The following CRLF1 variants were observed in gnomAD, a reference collection of about 807,000 sequenced individuals.
CRLF1 encodes cytokine receptor-like factor 1.
In CRLF1, 36 loss-of-function variants were observed where a neutral mutation model predicts 48.9. The observed-to-expected ratio is 0.74, with a 90% CI of 0.56 to 0.97. The LOEUF is 0.97. Among genes scored for constraint, CRLF1 ranks in the 50% least tolerant of loss-of-function variants. CRLF1 has a pLI of 0.00. For missense variants in CRLF1, 534 were observed against 575.1 expected (o/e 0.93, Z 0.73); for synonymous variants, 256 against 253.4 (o/e 1.01, Z -0.10).
chr19:18,598,852 C>T lies in CRLF1; in HGVS notation c.447G>A (p.Lys149=), dbSNP rs114059820. The T allele has an allele frequency of 1.1e-3, 1,842 of 1,614,062 alleles. 21 individuals are homozygous for T. The African/African-American group carries it at 0.021, about 19-fold the overall frequency. The change falls in exon 3 of 9, where the codon AAG becomes AAA. Residue 149 remains lysine (K), a synonymous_variant. Coordinates refer to ENST00000392386, the MANE Select transcript of CRLF1 (RefSeq NM_004750.5). ...CTGGCGTCCAGCGGCAGGTCAAGTCCTTCATGTTCTTGGACCAGCAGCTGA... is the reference window on the plus strand; with the variant it reads ...CTGGCGTCCAGCGGCAGGTCAAGTCTTTCATGTTCTTGGACCAGCAGCTGA... ...VNISCWSKNM[K]DLTCRWTPGA...
chr19:18,593,672 C>A, intron 8 of CRLF1, 93 bp from the exon 9 acceptor site: 1 of 1,549,466 alleles, frequency 6.5e-7, no homozygotes, highest in Non-Finnish European at 8.7e-7. Flanking sequence ...TGTCCTGTCC[C>A]CACCGCTTCT....
intron 2 of CRLF1, 93 bp from the exon 3 acceptor site, chr19:18,598,994 C>T: frequency 6.4e-7 from 1 of 1,572,816 alleles, no homozygotes; most frequent in Non-Finnish European, 8.6e-7. Context: ...AGGCCCCCAC[C>T]TTGGAGTGGA....
intron 3 of CRLF1, 28 bp downstream of exon 3, chr19:18,598,744 C>G: frequency 6.2e-7 from 1 of 1,614,082 alleles, no homozygotes; most frequent in Non-Finnish European, 8.5e-7. Context: ...GCCTGGGACA[C>G]ACACATCGCC....
In CRLF1 at chr19:18,606,341, G is replaced by A. The variant is rs1976295521; in HGVS notation, c.115+201C>T. Among the ~76,000 whole-genome samples the A allele has an allele frequency of 6.6e-6, 1 of 151,528 alleles. No homozygotes were observed. The highest frequency in any genetic ancestry group is 2.4e-5 in the African/African-American group (1 of 41,330). On this transcript the variant is annotated intron_variant, in intron 1 of 8. Coordinates refer to ENST00000392386, the MANE Select transcript of CRLF1 (RefSeq NM_004750.5). The surrounding 1 kb of genome is among the most constrained non-coding windows in gnomAD (Gnocchi z 4.8). ...CTGCCCAGGTAACAGGGCCTCGGGC[G>A]CGGAAGCAGGACTCTCTGGACAGTG...
intron 1 of CRLF1, among the ~76,000 whole-genome samples, chr19:18,604,592 C>A (rs10409528): frequency 0.11 from 17,196 of 152,120 alleles, 2,449 homozygotes; most frequent in African/African-American, 0.34. Flanking sequence ...GCTCTGGGGT[C>A]CCGGCTGACT....
chr19:18,594,029 T>TGGGGGGGG, intron 8 of CRLF1, 36 bp downstream of exon 8: 28 of 1,366,514 alleles, frequency 2.0e-5, no homozygotes, highest in African/African-American at 2.9e-5. Context: ...GCCCTCCCCT[T>TGGGGGGGG]GCTCCCTCCC....
Position 18,596,673 on chromosome 19 carries a change from CG to C in CRLF1, c.972del (p.Ile326SerfsTer100). 1 of 1,614,014 alleles carries C rather than the reference CG, an allele frequency of 6.2e-7. No individual in the cohort carries two copies. The highest frequency in any genetic ancestry group is 8.5e-7 in the Non-Finnish European group (1 of 1,180,000). ...GGGTGGCTCCACTCACTCCAGATCC[CG>C]GCTTTCTTGGAGCCATAGATGCCAA... Reference protein sequence around the residue: ...NPFGIYGSKKAGIWSEWSHPT... With the variant: ...NPFGIYGSKKXGIWSEWSHPT... On this transcript the variant is annotated frameshift_variant, in exon 6 of 9. Transcript: ENST00000392386. LOFTEE classifies it high-confidence loss of function.
At chr19:18,595,285 C>CAAGCACGAGCAG (rs1337178860) in intron 6 of CRLF1, among the ~76,000 whole-genome samples, 3 of 152,220 alleles carry the variant, frequency 2.0e-5, no homozygotes, top group Non-Finnish European at 2.9e-5. Flanking sequence ...TCGCAGGTGC[C>CAAGCACGAGCAG]GGGCACGAGC....
intron 6 of CRLF1, 41 bp from the exon 7 acceptor site, chr19:18,594,475 A>G (rs1401435670): frequency 2.3e-6 from 3 of 1,297,268 alleles, no homozygotes; most frequent in Non-Finnish European, 2.9e-6. Flanking sequence ...CGCGCCCGGC[A>G]GGGGGTGCGC....
chr19:18,603,980 C>T (rs554972664), intron 1 of CRLF1, among the ~76,000 whole-genome samples: 2 of 152,206 alleles, frequency 1.3e-5, no homozygotes, highest in Non-Finnish European at 2.9e-5. Context: ...TGCATGAACT[C>T]GGGTGTGCCA....
At chr19:18,602,126 G>GCC (rs1451336561) in intron 1 of CRLF1, among the ~76,000 whole-genome samples, 3 of 152,216 alleles carry the variant, frequency 2.0e-5, no homozygotes, top group Admixed American at 6.5e-5. Context: ...ACTTGGGGAC[G>GCC]CCCATGGGTG....
At chr19:18,594,150 C>A in intron 7 of CRLF1, 43 bp from the exon 8 acceptor site, 1 of 1,589,604 alleles carries the variant, frequency 6.3e-7, no homozygotes, top group Non-Finnish European at 8.6e-7. Context: ...GGGCTGCAGA[C>A]CTGCGTCCAC....
Position 18,606,492 on chromosome 19 carries a change from C to T in CRLF1, c.115+50G>A. 1 of 1,116,316 alleles carries T rather than the reference C, an allele frequency of 9.0e-7. No homozygotes were observed. The highest frequency in any genetic ancestry group is 4.5e-5 in the East Asian group (1 of 22,152). 69.2% of individuals were successfully genotyped at this position (1,116,316 alleles called of 1,614,324 possible). The stretch of plus-strand genomic sequence containing the variant: ...TCCCCCCGCGGCTGCCCCCGGGGCG[C>T]CCGCCCTCTGCTCTGGCAGGGGGGA... On this transcript the variant is annotated intron_variant, in intron 1 of 8. Transcript: ENST00000392386. The surrounding 1 kb of genome is among the most constrained non-coding windows in gnomAD (Gnocchi z 4.8).
chr19:18,603,839 G>T (rs59026635), intron 1 of CRLF1, among the ~76,000 whole-genome samples: 1 of 151,430 alleles, frequency 6.6e-6, no homozygotes, highest in East Asian at 2.0e-4. Flanking sequence ...CTCCGCGTCC[G>T]TGCGAAGGAG....
chr19:18,606,274 C>T lies in CRLF1; in HGVS notation c.115+268G>A, dbSNP rs1976294175. ...CATGCAGAGGGTCTCAGGCCGCGAT[C>T]CCCCCAGCCCCCGGGGGCCTGGCCT... On this transcript the variant is annotated intron_variant, in intron 1 of 8. Coordinates refer to ENST00000392386, the MANE Select transcript of CRLF1 (RefSeq NM_004750.5). The surrounding 1 kb of genome is among the most constrained non-coding windows in gnomAD (Gnocchi z 4.8). Among the ~76,000 whole-genome samples, 3 of 151,758 alleles carry T rather than the reference C, an allele frequency of 2.0e-5. No individual in the cohort carries two copies. Among genetic ancestry groups the T allele is most frequent in the African/African-American group, 4.8e-5 (2 of 41,350 alleles).
Position 18,606,711 on chromosome 19 carries a change from A to AGGGCGCGGGACGCAGGCC in CRLF1, c.-73_-56dup, listed in dbSNP as rs927935351. On this transcript the variant is annotated 5_prime_UTR_variant, in exon 1 of 9. Coordinates refer to ENST00000392386, the MANE Select transcript of CRLF1 (RefSeq NM_004750.5). This position sits in a 1 kb window ranked among gnomAD's most constrained non-coding sequence, Gnocchi z 4.8. ...GGCTGCGGCTCGGCGGCGGTGGCGC[A>AGGGCGCGGGACGCAGGCC]GGGCGCGGGACGCAGGCCGGGCGCG... is the stretch of plus-strand genomic sequence containing the variant. 1.6e-5 allele frequency: 4 copies of AGGGCGCGGGACGCAGGCC among 255,192 alleles called. No homozygotes were observed. Among genetic ancestry groups the AGGGCGCGGGACGCAGGCC allele is most frequent in the African/African-American group, 9.5e-5 (4 of 42,172 alleles). 15.8% of individuals were successfully genotyped at this position (255,192 alleles called of 1,614,324 possible).
At position 18,599,718 on chromosome 19, in the gene CRLF1, G is replaced by A. The variant is rs752738274; in HGVS notation, c.244C>T (p.Arg82Cys). ...EGLYWTLNGR[R>C]LPPELSRVLN... ...ACACGGGAGAGCTCAGGGGGCAGGC[G>A]GCGCCCGTTGAGGGTCCAGTAGAGG... The change falls in exon 2 of 9, where the codon CGC becomes TGC. Residue 82 changes from arginine to cysteine, a missense_variant. This residue lies in a region of CRLF1 where 528 missense variants were observed against 555.7 expected (regional missense o/e 0.95). Transcript: ENST00000392386. 38 of 1,608,090 alleles carry A rather than the reference G, an allele frequency of 2.4e-5. No individual in the cohort carries two copies. Among genetic ancestry groups the A allele is most frequent in the Admixed American group, 3.4e-5 (2 of 58,838 alleles).
intron 1 of CRLF1, among the ~76,000 whole-genome samples, chr19:18,605,802 G>A (rs1302741520): frequency 1.5e-4 from 23 of 152,156 alleles, no homozygotes; most frequent in Admixed American, 1.4e-3. Flanking sequence ...TAGGGCAGCG[G>A]GTTCCCAGTG....
In CRLF1 at chr19:18,606,449, G is replaced by A. The variant is rs1229100913; in HGVS notation, c.115+93C>T. 2 of 977,814 alleles carry A rather than the reference G, an allele frequency of 2.0e-6. No homozygotes were observed. The highest frequency in any genetic ancestry group is 2.5e-6 in the Non-Finnish European group (2 of 811,246). The allele number at this position is 977,814 out of a possible 1,614,324, so 60.6% of individuals were successfully genotyped here. A position where few individuals can be genotyped will look rare whatever the true frequency, so the allele number is the denominator to read the frequency against. ...CCTTCCTTTGTTCCCCGGCCGTCCA[G>A]GTGGCGCCCGCGCCCCCTCCCCCCG... is the stretch of plus-strand genomic sequence containing the variant. On this transcript the variant is annotated intron_variant, in intron 1 of 8. Transcript: ENST00000392386. This position sits in a 1 kb window ranked among gnomAD's most constrained non-coding sequence, Gnocchi z 4.8.
Sources: allele counts gnomAD v4.1 joint callset (sites outside exome capture counted in the v4.1 genomes callset), GRCh38; gene constraint gnomAD v4.1.1; regional missense constraint gnomAD v4.1.1; non-coding constraint Gnocchi (gnomAD v3.1); transcripts MANE v1.5; gene names NCBI Gene and HGNC (gene_info 2026-07-23, HGNC 2026-07-21).